STK3: variants seen among roughly 807,000 people sequenced by gnomAD.
STK3 encodes serine/threonine-protein kinase 3.
A neutral mutation model predicts 58.0 loss-of-function variants in STK3; 41 were observed. The ratio of observed to expected loss-of-function variants is 0.71; its 90% CI spans 0.55 to 0.92. The LOEUF (loss-of-function observed/expected upper bound fraction) is 0.92, where lower values mean the gene tolerates loss of function less well. Among genes scored for constraint, STK3 ranks in the 40% least tolerant of loss-of-function variants. The pLI is 0.00. For synonymous variants in STK3, 170 were observed against 191.0 expected, an observed-to-expected ratio of 0.89 and a Z score of 0.91; for missense variants, 479 against 602.7, an observed-to-expected ratio of 0.79 and a Z score of 2.15.
chr8:98,824,642 C>T (rs1417137919), intron 1 of STK3, among the ~76,000 whole-genome samples: 2 of 152,132 alleles, frequency 1.3e-5, no homozygotes, highest in Admixed American at 1.3e-4. Flanking sequence ...GGCTTCCAGG[C>T]TTCAAGGCTC....
intron 2 of STK3, among the ~76,000 whole-genome samples, chr8:98,773,029 TGA>T (rs1352463133): frequency 1.3e-5 from 2 of 152,224 alleles, no homozygotes; most frequent in Non-Finnish European, 2.9e-5. Context: ...AATGGTCCTT[TGA>T]ACATACACCA....
At position 98,712,836 on chromosome 8, in the gene STK3, T is replaced by C. The variant is rs1053175607; in HGVS notation, c.352-5525A>G. 6.8e-3 allele frequency among the ~76,000 whole-genome samples: 1,034 copies of C among 152,236 alleles called. 8 individuals carry two copies. Among genetic ancestry groups the C allele is most frequent in the African/African-American group, 0.023 (969 of 41,532 alleles). On this transcript the variant is annotated intron_variant, in intron 4 of 10. Coordinates refer to ENST00000419617, the MANE Select transcript of STK3 (RefSeq NM_006281.4). ...CCCAAATCAACAGAATATACATTCTTTTCAGCACCACACCACACCTATTAC... is the reference window on the plus strand; with the variant it reads ...CCCAAATCAACAGAATATACATTCTCTTCAGCACCACACCACACCTATTAC...
chr8:98,736,001 T>TA lies in STK3; in HGVS notation c.351+13274dup, dbSNP rs201540283. Among the ~76,000 whole-genome samples the TA allele has an allele frequency of 9.5e-3, 1,424 of 149,960 alleles. 13 individuals carry two copies. Among genetic ancestry groups the TA allele is most frequent in the African/African-American group, 0.026 (1,074 of 40,840 alleles). Reference sequence around the variant, plus strand: ...TAGCAAACTGTCAAGCAATAAAACATAAAAAAAAGGCCAACAGAAACAACA... The same window carrying TA: ...TAGCAAACTGTCAAGCAATAAAACATAAAAAAAAAGGCCAACAGAAACAACA... On this transcript the variant is annotated intron_variant, in intron 4 of 10. Coordinates refer to ENST00000419617, the MANE Select transcript of STK3 (RefSeq NM_006281.4).
intron 8 of STK3, among the ~76,000 whole-genome samples, chr8:98,554,973 A>C (rs1811483665): frequency 6.6e-6 from 1 of 152,142 alleles, no homozygotes; most frequent in Non-Finnish European, 1.5e-5. Flanking sequence ...ACTTCATAGA[A>C]AAAGGTCTGC....
At chr8:98,915,745 G>A (rs1448188794) in intron 1 of STK3, among the ~76,000 whole-genome samples, 1 of 151,824 alleles carries the variant, frequency 6.6e-6, no homozygotes, top group African/African-American at 2.4e-5. Context: ...CTGTCACACA[G>A]GGCACCCACC....
chr8:98,415,683 A>G (rs1044529089), intron 3 of STK3, among the ~76,000 whole-genome samples: 1 of 152,240 alleles, frequency 6.6e-6, no homozygotes, highest in African/African-American at 2.4e-5. Flanking sequence ...CTGAACACAG[A>G]AAGTTTGCTT....
chr8:98,629,997 G>A (rs148422031), intron 6 of STK3, among the ~76,000 whole-genome samples: 115 of 152,150 alleles, frequency 7.6e-4, no homozygotes, highest in African/African-American at 2.6e-3. Context: ...TGACTATGCC[G>A]ACATTATTAA....
At chr8:98,424,440 G>A (rs1818206337) in intron 3 of STK3, among the ~76,000 whole-genome samples, 2 of 152,190 alleles carry the variant, frequency 1.3e-5, no homozygotes, top group Admixed American at 1.3e-4. Context: ...GAAGGTAGGA[G>A]GTCGGGTTGT....
chr8:98,932,186 A>G (rs191861856), intron 1 of STK3, among the ~76,000 whole-genome samples: 85 of 151,206 alleles, frequency 5.6e-4, no homozygotes, highest in Admixed American at 1.4e-3. Flanking sequence ...ATGAAAGGGG[A>G]AAAAAAAATA....
chr8:98,818,073 C>G (rs1335573578), intron 1 of STK3, among the ~76,000 whole-genome samples: 1 of 152,172 alleles, frequency 6.6e-6, no homozygotes, highest in East Asian at 1.9e-4. Flanking sequence ...TTCCCACCTC[C>G]AGGCCTTCTC....
At chr8:98,915,543 A>G (rs1446797323) in intron 1 of STK3, among the ~76,000 whole-genome samples, 1 of 149,916 alleles carries the variant, frequency 6.7e-6, no homozygotes, top group Admixed American at 6.7e-5. Flanking sequence ...TGCCTGGTAT[A>G]GTACTTAATA....
chr8:98,427,751 C>G, intron 3 of STK3: 2 of 499,696 alleles, frequency 4.0e-6, no homozygotes, highest in South Asian at 6.5e-5. Flanking sequence ...TGGAGCTGTG[C>G]TAATAGAAAC....
rs564202745 is a variant in STK3, at chr8:98,706,469, T to G, written c.682A>C (p.Arg228=). 3 of 1,607,320 alleles carry G rather than the reference T, an allele frequency of 1.9e-6. No individual in the cohort carries two copies. Among genetic ancestry groups the G allele is most frequent in the Non-Finnish European group, 2.5e-6 (3 of 1,177,910 alleles). The change falls in exon 6 of 11, where the codon AGG becomes CGG. Residue 228 remains arginine (R), a splice_region_variant and synonymous_variant. Transcript: ENST00000419617. ...TCAGCAAACCATAATTTTCTTACCC[T>G]CATTGGATGTATATCAGCATAAGGA... The part of the protein sequence containing the change: ...KPPYADIHPM[R]AIFMIPTNPP...
chr8:98,767,433 C>A, intron 2 of STK3, 62 bp from the exon 3 acceptor site: 1 of 1,452,832 alleles, frequency 6.9e-7, no homozygotes, highest in South Asian at 1.4e-5. Flanking sequence ...GATTAAAAGT[C>A]TACTATGAGT....
At chr8:98,365,937 G>T in the STK3 span, among the ~76,000 whole-genome samples, 1 of 151,840 alleles carries the variant, frequency 6.6e-6, no homozygotes, top group African/African-American at 2.4e-5. Flanking sequence ...CTCAATTGTG[G>T]GCATTTTGTG....
upstream of STK3, among the ~76,000 whole-genome samples, chr8:98,826,953 G>A (rs1290550899): frequency 1.5e-5 from 2 of 132,610 alleles, no homozygotes; most frequent in African/African-American, 6.0e-5. Context: ...AACCCGGGAG[G>A]CAGAGGTTGC....
At chr8:98,501,521 G>A (rs1028009729) in intron 10 of STK3, among the ~76,000 whole-genome samples, 19 of 152,130 alleles carry the variant, frequency 1.2e-4, no homozygotes, top group African/African-American at 3.1e-4. Context: ...TTTCTTCTAG[G>A]GTTTTTATGG....
At chr8:98,666,035 G>A (rs1346268989) in intron 6 of STK3, among the ~76,000 whole-genome samples, 1 of 152,060 alleles carries the variant, frequency 6.6e-6, no homozygotes, top group African/African-American at 2.4e-5. Context: ...TTCAACACGA[G>A]TTCTTCCAGT....
downstream of STK3, among the ~76,000 whole-genome samples, chr8:98,397,065 T>A (rs1231808857): frequency 6.6e-6 from 1 of 152,098 alleles, no homozygotes; most frequent in African/African-American, 2.4e-5. Flanking sequence ...GGCTCCAGAG[T>A]CCACACTTTT....
Sources: allele counts gnomAD v4.1 joint callset (sites outside exome capture counted in the v4.1 genomes callset), GRCh38; gene constraint gnomAD v4.1.1; transcripts MANE v1.5; gene names NCBI Gene and HGNC (gene_info 2026-07-23, HGNC 2026-07-21).